The following CHD1L variants were observed in gnomAD, a reference collection of about 807,000 sequenced individuals.
CHD1L encodes ATP-dependent chromatin remodeler CHD1L.
In CHD1L, 118 loss-of-function variants were observed where a neutral mutation model predicts 115.9. The observed-to-expected ratio is 1.02, with a 90% CI of 0.88 to 1.19. The LOEUF (loss-of-function observed/expected upper bound fraction) is 1.19. Among genes scored for constraint, CHD1L ranks in the 50% most tolerant of loss-of-function variants. CHD1L has a pLI of 0.00. For synonymous variants in CHD1L, 411 were observed against 387.1 expected (o/e 1.06, Z -0.72); for missense variants, 1,179 against 1,065.3 (o/e 1.11, Z -1.49).
chr1:147,176,844 A>T, the CHD1L span, among the ~76,000 whole-genome samples: 1 of 152,046 alleles, frequency 6.6e-6, no homozygotes, highest in African/African-American at 2.4e-5. Context: ...TCATCTGTAA[A>T]ATGAGAGGAG....
At position 147,268,809 on chromosome 1, in the gene CHD1L, G is replaced by A. The variant is rs1553950500; in HGVS notation, c.1016G>A (p.Gly339Glu). 6.2e-7 allele frequency: 1 copy of A among 1,613,558 alleles called. No individual in the cohort carries two copies. Among genetic ancestry groups the A allele is most frequent in the Non-Finnish European group, 8.5e-7 (1 of 1,179,656 alleles). Residue 339 changes from glycine to glutamate, a missense_variant, in exon 10 of 23, where the codon GGA becomes GAA. Physicochemically the swap from Gly to Glu is moderately conservative, Grantham distance 98. Transcript: ENST00000369258. ...GTGGAGCCGGAGCCTTTTGAAGTTG[G>A]AGACCACCTGACTGAGGCTAGTGGG... ...DGVEPEPFEV[G>E]DHLTEASGKL...
Position 147,295,608 on chromosome 1 carries a change from G to A in CHD1L, c.*99G>A. 1 of 861,428 alleles carries A rather than the reference G, an allele frequency of 1.2e-6. No homozygotes were observed. Among genetic ancestry groups the A allele is most frequent in the South Asian group, 1.7e-5 (1 of 58,088 alleles). 53.4% of individuals were successfully genotyped at this position (861,428 alleles called of 1,614,324 possible). On this transcript the variant is annotated 3_prime_UTR_variant, in exon 23 of 23. Coordinates refer to ENST00000369258, the MANE Select transcript of CHD1L (RefSeq NM_004284.6). ...TCAAAATGGAATCAGGATCTGGTGG[G>A]CCTCAGAAATTGTCTCTTTTCTGAG...
the CHD1L span, among the ~76,000 whole-genome samples, chr1:147,190,724 G>A: frequency 3.3e-5 from 5 of 152,126 alleles, no homozygotes; most frequent in Non-Finnish European, 5.9e-5. Flanking sequence ...GGGTACATGT[G>A]CACAATGTGC....
chr1:147,264,538 A>G lies in CHD1L; in HGVS notation c.693A>G (p.Gly231=). Reference sequence around the variant, plus strand: ...ATCTCTTTTCCAAGGAAGAGGTGGGAGATTTTATTCAACGCTACCAGGATA... The same window carrying G: ...ATCTCTTTTCCAAGGAAGAGGTGGGGGATTTTATTCAACGCTACCAGGATA... ...EPDLFSKEEV[G]DFIQRYQDIE... is the part of the protein sequence containing the mutation. The change falls in exon 7 of 23, where the codon GGA becomes GGG. Residue 231 remains glycine (G), a synonymous_variant. Transcript: ENST00000369258. The G allele has an allele frequency of 6.2e-7, 1 of 1,614,098 alleles. No individual in the cohort carries two copies. Among genetic ancestry groups the G allele is most frequent in the Admixed American group, 1.7e-5 (1 of 60,008 alleles).
chr1:147,277,606 G>A (rs1679016056), intron 14 of CHD1L, among the ~76,000 whole-genome samples: 1 of 152,128 alleles, frequency 6.6e-6, no homozygotes, highest in African/African-American at 2.4e-5. Context: ...CTTTCCTTGT[G>A]TTGCTGACTG....
At chr1:147,280,294 C>A in intron 15 of CHD1L, 103 bp downstream of exon 15, 2 of 1,175,150 alleles carry the variant, frequency 1.7e-6, no homozygotes, top group Non-Finnish European at 2.3e-6. Context: ...CATCTTTTTT[C>A]TCCCTTACCC....
At chr1:147,178,260 C>G in the CHD1L span, 1 of 1,613,644 alleles carries the variant, frequency 6.2e-7, no homozygotes, top group South Asian at 1.1e-5. Flanking sequence ...GCCTCATGCT[C>G]GTCGAGTTCT....
the CHD1L span, among the ~76,000 whole-genome samples, chr1:147,216,681 A>G: frequency 6.4e-4 from 97 of 152,284 alleles, 1 homozygote; most frequent in African/African-American, 2.2e-3. Context: ...AAAACAACTG[A>G]AATTTGAGAA....
In CHD1L at chr1:147,286,318, A is replaced by C. The variant is rs201672731; in HGVS notation, c.2039A>C (p.Asn680Thr). ...TAAAGGATGGCCTGGTGGGAATCCA[A>C]CAATTACCAGTCCTTCTGCCTGCCC... is the stretch of plus-strand genomic sequence containing the variant. ...HKKKMAWWES[N>T]NYQSFCLPSE... Residue 680 changes from asparagine (N) to threonine (T), a missense_variant, in exon 18 of 23, where the codon AAC becomes ACC. Coordinates refer to ENST00000369258, the MANE Select transcript of CHD1L (RefSeq NM_004284.6). The C allele has an allele frequency of 1.1e-5, 18 of 1,613,962 alleles. No individual in the cohort carries two copies. The highest frequency in any genetic ancestry group is 4.5e-5 in the East Asian group (2 of 44,892).
chr1:147,200,312 A>G, the CHD1L span, among the ~76,000 whole-genome samples: 163 of 152,266 alleles, frequency 1.1e-3, no homozygotes, highest in Non-Finnish European at 2.1e-3. Flanking sequence ...GGAAATTCTC[A>G]TATCTCTCCT....
At chr1:147,236,700 A>T in the CHD1L span, among the ~76,000 whole-genome samples, 12 of 151,708 alleles carry the variant, frequency 7.9e-5, no homozygotes, top group African/African-American at 2.9e-4. Flanking sequence ...ATCATTGTCA[A>T]CTCAGCTCTT....
chr1:147,287,851 C>A (rs1457710049), intron 19 of CHD1L, 118 bp downstream of exon 19: 2 of 722,144 alleles, frequency 2.8e-6, no homozygotes, highest in South Asian at 2.2e-5. Flanking sequence ...CAGTTGGGGA[C>A]TGAATTCTGT....
intron 3 of CHD1L, 52 bp from the exon 4 acceptor site, chr1:147,255,761 C>A: frequency 2.3e-6 from 3 of 1,282,710 alleles, no homozygotes; most frequent in Non-Finnish European, 3.3e-6. Context: ...TATGCACATC[C>A]TGTCACATGG....
intron 11 of CHD1L, chr1:147,271,211 T>C: frequency 2.2e-6 from 1 of 458,142 alleles, no homozygotes; most frequent in Non-Finnish European, 3.9e-6. Context: ...TGGGCAGAAA[T>C]AAACACCCAC....
the CHD1L span, among the ~76,000 whole-genome samples, chr1:147,234,663 T>C: frequency 6.6e-6 from 1 of 152,326 alleles, no homozygotes; most frequent in Non-Finnish European, 1.5e-5. Flanking sequence ...CAAATAACAA[T>C]TGTCTATATT....
At chr1:147,236,974 G>A in the CHD1L span, among the ~76,000 whole-genome samples, 2 of 152,194 alleles carry the variant, frequency 1.3e-5, no homozygotes, top group African/African-American at 4.8e-5. Flanking sequence ...ACTGCCTCCT[G>A]CTGGCATTCA....
chr1:147,295,466 A>C lies in CHD1L; in HGVS notation c.2651A>C (p.His884Pro), dbSNP rs1687199325. Reference sequence around the variant, plus strand: ...CCTAGAAGCAAGTCTGCTGTCCTTCATTCACAGTCTTCATCTTCCTCCTCA... The same window carrying C: ...CCTAGAAGCAAGTCTGCTGTCCTTCCTTCACAGTCTTCATCTTCCTCCTCA... ...YFPRSKSAVL[H>P]SQSSSSSSRQ... Residue 884 changes from histidine to proline, a missense_variant, in exon 23 of 23, where the codon CAT becomes CCT. Transcript: ENST00000369258. 6.2e-7 allele frequency: 1 copy of C among 1,611,830 alleles called. No homozygotes were observed. Among genetic ancestry groups the C allele is most frequent in the Non-Finnish European group, 8.5e-7 (1 of 1,178,706 alleles).
At chr1:147,190,193 C>T in the CHD1L span, 78 of 1,610,272 alleles carry the variant, frequency 4.8e-5, no homozygotes, top group East Asian at 1.7e-3. Context: ...TCAATTTCCT[C>T]TTGAGCTTTA....
intron 12 of CHD1L, among the ~76,000 whole-genome samples, chr1:147,274,439 G>T (rs1553955796): frequency 6.6e-6 from 1 of 152,164 alleles, no homozygotes; most frequent in African/African-American, 2.4e-5. Flanking sequence ...TTTGTCTGGA[G>T]ATCCAGCTTA....
Sources: allele counts gnomAD v4.1 joint callset (sites outside exome capture counted in the v4.1 genomes callset), GRCh38; gene constraint gnomAD v4.1.1; transcripts MANE v1.5; gene names NCBI Gene and HGNC (gene_info 2026-07-23, HGNC 2026-07-21).